RNF166: variants seen among roughly 807,000 people sequenced by gnomAD.
RNF166 encodes the protein E3 ubiquitin-protein ligase RNF166.
RNF166 carries 19 observed loss-of-function variants against 29.4 expected under a neutral mutation model. The ratio of observed to expected loss-of-function variants is 0.65; its 90% confidence interval spans 0.45 to 0.95. The LOEUF (loss-of-function observed/expected upper bound fraction) is 0.95. RNF166 is among the 40% of genes least tolerant of loss of function. RNF166 has a pLI of 0.00. For missense variants in RNF166, 347 were observed against 322.1 expected (o/e 1.08, Z -0.59); for synonymous variants, 171 against 134.5 (o/e 1.27, Z -1.88).
At chr16:88,701,723 G>A (rs1484509063) in intron 1 of RNF166, 7 of 338,440 alleles carry the variant, frequency 2.1e-5, no homozygotes, top group African/African-American at 1.1e-4. Context: ...ATAGGCAGGA[G>A]GCCCCAGCTC....
chr16:88,697,826 T>A, intron 5 of RNF166, 193 bp from the exon 6 acceptor site: 1 of 565,896 alleles, frequency 1.8e-6, no homozygotes, highest in Non-Finnish European at 3.2e-6. Flanking sequence ...TGAAGGTGTG[T>A]CCATCACCCG....
In RNF166 at chr16:88,703,076, G is replaced by C. The variant is rs901528969; in HGVS notation, c.156-1658C>G. 3 of 985,460 alleles carry C rather than the reference G, an allele frequency of 3.0e-6. No individual in the cohort carries two copies. In the African/African-American group the frequency reaches 5.2e-5, roughly 17 times the overall value. The allele number at this position is 985,460 out of a possible 1,614,324, so 61.0% of individuals were successfully genotyped here. On this transcript the variant is annotated intron_variant, in intron 1 of 5. Transcript: ENST00000312838. ...GCCCCACCACGCACCGGAAGGCCTG[G>C]AAAACAGTGCAGGGCAGACAGCAAG...
Position 88,701,166 on chromosome 16 carries a change from G to A in RNF166, c.312+96C>T, listed in dbSNP as rs1215131740. 4.0e-6 allele frequency: 6 copies of A among 1,492,042 alleles called. No individual in the cohort carries two copies. In the East Asian group the frequency reaches 1.1e-4, roughly 28 times the overall value. 92.4% of individuals were successfully genotyped at this position (1,492,042 alleles called of 1,614,324 possible). The stretch of plus-strand genomic sequence containing the variant: ...GAGACCGCGATTACTCAACAGGAAA[G>A]AGAGAGGGCCCCGGCCCCCACCCTC... On this transcript the variant is annotated intron_variant, in intron 2 of 5. Transcript: ENST00000312838.
At chr16:88,701,692 G>A (rs545265533) in intron 1 of RNF166, 4 of 425,620 alleles carry the variant, frequency 9.4e-6, no homozygotes, top group Non-Finnish European at 1.7e-5. Context: ...CTGTCCCCGC[G>A]AGTGGGCCAG....
intron 1 of RNF166, among the ~76,000 whole-genome samples, chr16:88,702,226 G>GC (rs1910318470): frequency 6.6e-6 from 1 of 152,116 alleles, no homozygotes; most frequent in Non-Finnish European, 1.5e-5. Context: ...AGGCGCGAGA[G>GC]CCCCCAGTGC....
Position 88,698,560 on chromosome 16 carries a change from C to A in RNF166, c.590G>T (p.Ser197Ile). The A allele has an allele frequency of 6.4e-7, 1 of 1,570,966 alleles. No individual in the cohort carries two copies. Among genetic ancestry groups the A allele is most frequent in the Non-Finnish European group, 8.6e-7 (1 of 1,157,902 alleles). Residue 197 changes from serine to isoleucine, a missense_variant, in exon 5 of 6, where the codon AGC becomes ATC. By Grantham distance (142) the Ser-to-Ile change is moderately radical. Coordinates refer to ENST00000312838, the MANE Select transcript of RNF166 (RefSeq NM_178841.4). ...AMPWGDPSYK[S>I]ANFLQHLLHR... ...AAGCAGGTGCTGCAGGAAGTTGGCG[C>A]TCTTGTAGCTGGGGTCCCCCCAGGG...
chr16:88,698,321 G>T (rs1345097104), intron 5 of RNF166, 181 bp downstream of exon 5: 1 of 710,142 alleles, frequency 1.4e-6, no homozygotes, highest in Non-Finnish European at 2.6e-6. Context: ...AAACTCAGCT[G>T]CCATCACTCC....
rs1910464559 is a variant in RNF166 at position 88,703,407 on chromosome 16, G to C, written c.156-1989C>G. On this transcript the variant is annotated intron_variant, in intron 1 of 5. Coordinates refer to ENST00000312838, the MANE Select transcript of RNF166 (RefSeq NM_178841.4). ...TCCCAGGCAGAGCTTGGGAAGAGAGGAAAGGTGCCCAGAAGGTTGGCTGGG... is the reference window on the plus strand; with the variant it reads ...TCCCAGGCAGAGCTTGGGAAGAGAGCAAAGGTGCCCAGAAGGTTGGCTGGG... 4 of 985,518 alleles carry C rather than the reference G, an allele frequency of 4.1e-6. No individual in the cohort carries two copies. In the South Asian group the frequency reaches 1.9e-4, roughly 46 times the overall value. 61.0% of individuals were successfully genotyped at this position (985,518 alleles called of 1,614,324 possible). A position where few individuals can be genotyped will look rare whatever the true frequency, so the allele number is the denominator to read the frequency against.
At chr16:88,704,194 C>T in intron 1 of RNF166, 2 of 985,458 alleles carry the variant, frequency 2.0e-6, no homozygotes, top group East Asian at 1.1e-4. Context: ...CGAAGGGAAC[C>T]TGAAGAGCCT....
At position 88,697,397 on chromosome 16, in the gene RNF166, G is replaced by T. The variant is rs547375893; in HGVS notation, c.*171C>A. ...GCGGCCCTGCTCTGGCGGCCTCGGCGGCTGGCCCGTATTCAGGCCCGGAGG... is the reference window on the plus strand; with the variant it reads ...GCGGCCCTGCTCTGGCGGCCTCGGCTGCTGGCCCGTATTCAGGCCCGGAGG... On this transcript the variant is annotated 3_prime_UTR_variant, in exon 6 of 6. Coordinates refer to ENST00000312838, the MANE Select transcript of RNF166 (RefSeq NM_178841.4). The T allele has an allele frequency of 9.3e-6, 5 of 539,006 alleles. No homozygotes were observed. The South Asian group carries it at 9.5e-5, about 10-fold the overall frequency. 33.4% of individuals were successfully genotyped at this position (539,006 alleles called of 1,614,324 possible). A position where few individuals can be genotyped will look rare whatever the true frequency, so the allele number is the denominator to read the frequency against.
intron 1 of RNF166, 88 bp downstream of exon 1, chr16:88,706,083 A>G (rs7194105): frequency 0.78 from 701,483 of 898,764 alleles, 274,167 homozygotes; most frequent in East Asian, 0.87. Context: ...CCCAGTCCGG[A>G]GCTGCACCGG....
intron 1 of RNF166, 109 bp downstream of exon 1, chr16:88,706,062 G>A: frequency 1.4e-6 from 1 of 708,060 alleles, no homozygotes; most frequent in Non-Finnish European, 1.7e-6. Context: ...GGCGCCCCGA[G>A]TCCCCGCGCG....
At chr16:88,706,011 G>A in intron 1 of RNF166, among the ~76,000 whole-genome samples, 160 bp downstream of exon 1, 1 of 151,944 alleles carries the variant, frequency 6.6e-6, no homozygotes, top group Middle Eastern at 3.4e-3. Context: ...CAGAGGCGGC[G>A]CGGCACAGGG....
Position 88,704,443 on chromosome 16 carries a change from A to C in RNF166, c.155+1728T>G, listed in dbSNP as rs957345846. ...AGTTTTATAGGAAAGATGCTCCACA[A>C]TTCCATGTGGTTCTGCATTCTGTGT... is the stretch of plus-strand genomic sequence containing the variant. On this transcript the variant is annotated intron_variant, in intron 1 of 5. Transcript: ENST00000312838. 14 of 985,410 alleles carry C rather than the reference A, an allele frequency of 1.4e-5. No homozygotes were observed. The African/African-American group carries it at 2.3e-4, about 16-fold the overall frequency. The allele number at this position is 985,410 out of a possible 1,614,324, so 61.0% of individuals were successfully genotyped here.
In RNF166 at chr16:88,697,479, G is replaced by T; in HGVS notation, c.*89C>A. 1.0e-6 allele frequency: 1 copy of T among 969,748 alleles called. No homozygotes were observed. Among genetic ancestry groups the T allele is most frequent in the Non-Finnish European group, 1.6e-6 (1 of 629,664 alleles). 60.1% of individuals were successfully genotyped at this position (969,748 alleles called of 1,614,324 possible). A position where few individuals can be genotyped will look rare whatever the true frequency, so the allele number is the denominator to read the frequency against. On this transcript the variant is annotated 3_prime_UTR_variant, in exon 6 of 6. Coordinates refer to ENST00000312838, the MANE Select transcript of RNF166 (RefSeq NM_178841.4). ...AGGCTCCTCCTGTGAGCTCAGTCCG[G>T]TGAGGTGCGCTCCCGAGCAGGTGCC... is the stretch of plus-strand genomic sequence containing the variant.
rs1910543164 is a variant in RNF166 at position 88,704,207 on chromosome 16, A to C, written c.155+1964T>G. 11 of 985,360 alleles carry C rather than the reference A, an allele frequency of 1.1e-5. No individual in the cohort carries two copies. In the South Asian group the frequency reaches 3.8e-4, roughly 34 times the overall value. The allele number at this position is 985,360 out of a possible 1,614,324, so 61.0% of individuals were successfully genotyped here. On this transcript the variant is annotated intron_variant, in intron 1 of 5. Coordinates refer to ENST00000312838, the MANE Select transcript of RNF166 (RefSeq NM_178841.4). ...TCCGAAGGGAACCTGAAGAGCCTTT[A>C]AACTTTCTGTGGTCATTTGCATGCA...
At chr16:88,706,059 C>T (rs1228327181) in intron 1 of RNF166, 112 bp downstream of exon 1, 1 of 677,840 alleles carries the variant, frequency 1.5e-6, no homozygotes, top group East Asian at 1.3e-4. Flanking sequence ...CCCGGCGCCC[C>T]GAGTCCCCGC....
intron 5 of RNF166, 161 bp downstream of exon 5, chr16:88,698,341 G>C (rs1909839501): frequency 2.8e-6 from 2 of 725,520 alleles, no homozygotes; most frequent in Non-Finnish European, 5.0e-6. Flanking sequence ...CCCACCTGCA[G>C]GCAGCCCCCA....
In RNF166 at chr16:88,701,392, C is replaced by A; in HGVS notation, c.182G>T (p.Cys61Phe). The change falls in exon 2 of 6, where the codon TGC becomes TTC. Residue 61 changes from cysteine to phenylalanine, a missense_variant. Physicochemically the swap from Cys to Phe is radical, Grantham distance 205. Transcript: ENST00000312838. ...GCACAGCGGGGATGGCACCTGCAGG[C>A]AGGGCTGGAGACACTCCCCGCAGAA... is the stretch of plus-strand genomic sequence containing the variant. ...HTFCGECLQP[C>F]LQVPSPLCPL... The A allele has an allele frequency of 6.2e-7, 1 of 1,608,428 alleles. No individual in the cohort carries two copies. The highest frequency in any genetic ancestry group is 1.7e-5 in the Admixed American group (1 of 59,794).
Sources: allele counts gnomAD v4.1 joint callset (sites outside exome capture counted in the v4.1 genomes callset), GRCh38; gene constraint gnomAD v4.1.1; transcripts MANE v1.5; gene names NCBI Gene and HGNC (gene_info 2026-07-23, HGNC 2026-07-21).